The following SEMA7A variants were observed in gnomAD, a reference collection of about 807,000 sequenced individuals.
The protein encoded by SEMA7A is semaphorin-7A.
In SEMA7A, 21 loss-of-function variants were observed where a neutral mutation model predicts 67.5. That is an observed-to-expected ratio of 0.31 (90% CI 0.22 to 0.45). SEMA7A has a LOEUF of 0.45. Among genes scored for constraint, SEMA7A ranks in the 20% least tolerant of loss-of-function variants. The pLI, the probability that SEMA7A is intolerant of heterozygous loss-of-function variation, is 1.00. For missense variants in SEMA7A, 774 were observed against 908.6 expected, an observed-to-expected ratio of 0.85 and a Z score of 1.90; for synonymous variants, 364 against 368.5, an observed-to-expected ratio of 0.99 and a Z score of 0.14.
In SEMA7A at chr15:74,433,898, T is replaced by G; in HGVS notation, c.21A>C (p.Gly7=). 1 of 1,260,338 alleles carries G rather than the reference T, an allele frequency of 7.9e-7. No homozygotes were observed. The highest frequency in any genetic ancestry group is 9.9e-7 in the Non-Finnish European group (1 of 1,007,250). The allele number at this position is 1,260,338 out of a possible 1,614,324, so 78.1% of individuals were successfully genotyped here. A position where few individuals can be genotyped will look rare whatever the true frequency, so the allele number is the denominator to read the frequency against. MTPPPP[G]RAAPSAPRAR... is the part of the protein sequence containing the mutation. The stretch of plus-strand genomic sequence containing the variant: ...CGCGCGGTGCGCTGGGGGCGGCACG[T>G]CCGGGCGGAGGAGGCGTCATCCCGT... The change falls in exon 1 of 14, where the codon GGA becomes GGC. Residue 7 remains glycine, a synonymous_variant. Coordinates refer to ENST00000261918, the MANE Select transcript of SEMA7A (RefSeq NM_003612.5).
rs200924335 is a variant in SEMA7A, at chr15:74,414,864, T to C, written c.1069A>G (p.Ser357Gly). Reference sequence around the variant, plus strand: ...TTGCCAGGCCGCGGGTTGGGAAGGCTTGAGTGGTAGCCCTTGAGTGAGGAG... The same window carrying C: ...TTGCCAGGCCGCGGGTTGGGAAGGCCTGAGTGGTAGCCCTTGAGTGAGGAG... The part of the protein sequence containing the change: ...RTSSLKGYHS[S>G]LPNPRPGKCL... The change falls in exon 9 of 14, where the codon AGC (serine) becomes GGC (glycine). Residue 357 changes from serine to glycine, a missense_variant. Coordinates refer to ENST00000261918, the MANE Select transcript of SEMA7A (RefSeq NM_003612.5). The surrounding 1 kb of genome is among the most constrained non-coding windows in gnomAD (Gnocchi z 4.1). The C allele has an allele frequency of 4.3e-5, 69 of 1,614,170 alleles. No homozygotes were observed. In the African/African-American group the frequency reaches 8.1e-4, roughly 19 times the overall value.
chr15:74,425,529 C>T lies in SEMA7A; in HGVS notation c.179-6577G>A, dbSNP rs8042206. On this transcript the variant is annotated intron_variant, in intron 1 of 13. Transcript: ENST00000261918. ...GACAGATGAGGAGACCAAAGCCTAC[C>T]GAGGGTGAGGCCCAGTTAGAGGCTA... Among the ~76,000 whole-genome samples, 24 of 152,026 alleles carry T rather than the reference C, an allele frequency of 1.6e-4. No homozygotes were observed. In the South Asian group the frequency reaches 2.5e-3, roughly 16 times the overall value.
Position 74,423,040 on chromosome 15 carries a change from C to G in SEMA7A, c.179-4088G>C, listed in dbSNP as rs957931924. On this transcript the variant is annotated intron_variant, in intron 1 of 13. Transcript: ENST00000261918. The surrounding 1 kb of genome is among the most constrained non-coding windows in gnomAD (Gnocchi z 4.1). ...GGGCCTTGAATGTAACCTCAAGGAGCCTTTTGAAAGTGGGCAGAGAGTCAG... is the reference window on the plus strand; with the variant it reads ...GGGCCTTGAATGTAACCTCAAGGAGGCTTTTGAAAGTGGGCAGAGAGTCAG... 2.6e-5 allele frequency among the ~76,000 whole-genome samples: 4 copies of G among 152,316 alleles called. No individual in the cohort carries two copies. The highest frequency in any genetic ancestry group is 2.0e-4 in the Admixed American group (3 of 15,300).
Position 74,411,718 on chromosome 15 carries a change from G to C in SEMA7A, c.1423-8C>G. ...GCTCACATACAGCTTCCTCTGGAAGGACAGCAGGATTGGGTCAGGCCCGGG... is the reference window on the plus strand; with the variant it reads ...GCTCACATACAGCTTCCTCTGGAAGCACAGCAGGATTGGGTCAGGCCCGGG... On this transcript the variant is annotated splice_polypyrimidine_tract_variant and splice_region_variant and intron_variant, in intron 11 of 13. Coordinates refer to ENST00000261918, the MANE Select transcript of SEMA7A (RefSeq NM_003612.5). The surrounding 1 kb of genome is among the most constrained non-coding windows in gnomAD (Gnocchi z 4.4). The C allele has an allele frequency of 6.2e-7, 1 of 1,612,532 alleles. No homozygotes were observed. Among genetic ancestry groups the C allele is most frequent in the Non-Finnish European group, 8.5e-7 (1 of 1,179,956 alleles).
At chr15:74,413,117 G>A (rs568713260) in intron 10 of SEMA7A, among the ~76,000 whole-genome samples, 5 of 141,900 alleles carry the variant, frequency 3.5e-5, no homozygotes, top group South Asian at 4.5e-4. Flanking sequence ...CTACACATCC[G>A]TGATCCTCAT....
Position 74,411,169 on chromosome 15 carries a change from C to T in SEMA7A, c.1639+126G>A. ...CACCAAGAGGGCTCCCTCTGCAGGA[C>T]TGTATCCTGCCCCATGTACCTGGGG... On this transcript the variant is annotated intron_variant, in intron 13 of 13. Coordinates refer to ENST00000261918, the MANE Select transcript of SEMA7A (RefSeq NM_003612.5). The surrounding 1 kb of genome is among the most constrained non-coding windows in gnomAD (Gnocchi z 4.4). 1 of 1,311,492 alleles carries T rather than the reference C, an allele frequency of 7.6e-7. No individual in the cohort carries two copies. 81.2% of individuals were successfully genotyped at this position (1,311,492 alleles called of 1,614,324 possible). A position where few individuals can be genotyped will look rare whatever the true frequency, so the allele number is the denominator to read the frequency against.
rs28362925 is a variant in SEMA7A, at chr15:74,411,092, G to A, written c.1640-107C>T. 1,076 of 1,488,916 alleles carry A rather than the reference G, an allele frequency of 7.2e-4. 4 individuals are homozygous for A. Among genetic ancestry groups the A allele is most frequent in the South Asian group, 6.9e-3 (520 of 75,622 alleles). 92.2% of individuals were successfully genotyped at this position (1,488,916 alleles called of 1,614,324 possible). The stretch of plus-strand genomic sequence containing the variant: ...CCCAGGACAAGGCTTCTGAATGAAC[G>A]TGGGGAACCCAGCCCTCAGCGTCCT... On this transcript the variant is annotated intron_variant, in intron 13 of 13. Coordinates refer to ENST00000261918, the MANE Select transcript of SEMA7A (RefSeq NM_003612.5). The surrounding 1 kb of genome is among the most constrained non-coding windows in gnomAD (Gnocchi z 4.4).
In SEMA7A at chr15:74,410,269, C is replaced by T. The variant is rs563952048; in HGVS notation, c.*355G>A. The T allele has an allele frequency of 1.5e-4, 37 of 240,014 alleles. No homozygotes were observed. The South Asian group carries it at 4.3e-3, about 28-fold the overall frequency. The allele number at this position is 240,014 out of a possible 1,614,324, so 14.9% of individuals were successfully genotyped here. On this transcript the variant is annotated 3_prime_UTR_variant, in exon 14 of 14. Coordinates refer to ENST00000261918, the MANE Select transcript of SEMA7A (RefSeq NM_003612.5). The surrounding 1 kb of genome is among the most constrained non-coding windows in gnomAD (Gnocchi z 7.5). The stretch of plus-strand genomic sequence containing the variant: ...CCCCAGGGTCGAGATGGAGTCCCAG[C>T]TCTCCTATCCAAACCCACTCCCCGA...
intron 1 of SEMA7A, among the ~76,000 whole-genome samples, chr15:74,433,025 ACCCAACGGGCACTGCCC>A (rs2061103182): frequency 6.6e-6 from 1 of 151,848 alleles, no homozygotes; most frequent in African/African-American, 2.4e-5. Flanking sequence ...GCCGTGCCCC[ACCCAACGGGCACTGCCC>A]CCCAACGCTG....
chr15:74,412,540 A>C (rs981521891), intron 10 of SEMA7A, among the ~76,000 whole-genome samples: 2 of 152,108 alleles, frequency 1.3e-5, no homozygotes, highest in African/African-American at 2.4e-5. Context: ...CTTAGGGAAT[A>C]TATTTACTTT....
Position 74,433,908 on chromosome 15 carries a change from G to A in SEMA7A, c.11C>T (p.Pro4Leu). The change falls in exon 1 of 14, where the codon CCT (proline) becomes CTT (leucine). Residue 4 changes from proline (P) to leucine (L), a missense_variant. By Grantham distance (98) the Pro-to-Leu change is moderately conservative (BLOSUM62 -3). This residue lies in a region of SEMA7A where 347 missense variants were observed against 353.2 expected (regional missense o/e 0.98). Coordinates refer to ENST00000261918, the MANE Select transcript of SEMA7A (RefSeq NM_003612.5). Reference sequence around the variant, plus strand: ...GCTGGGGGCGGCACGTCCGGGCGGAGGAGGCGTCATCCCGTGGCCCCGGGA... The same window carrying A: ...GCTGGGGGCGGCACGTCCGGGCGGAAGAGGCGTCATCCCGTGGCCCCGGGA... MTP[P>L]PPGRAAPSAP... The A allele has an allele frequency of 8.0e-7, 1 of 1,254,316 alleles. No homozygotes were observed. Among genetic ancestry groups the A allele is most frequent in the Non-Finnish European group, 1.0e-6 (1 of 1,003,244 alleles). 77.7% of individuals were successfully genotyped at this position (1,254,316 alleles called of 1,614,324 possible). A position where few individuals can be genotyped will look rare whatever the true frequency, so the allele number is the denominator to read the frequency against.
At position 74,416,636 on chromosome 15, in the gene SEMA7A, T is replaced by C; in HGVS notation, c.740A>G (p.Asp247Gly). ...DDKIYYFFRE[D>G]NPDKNPEAPL... ...AGCCTCAGGATTCTTGTCAGGATTG[T>C]CCTCTCGGAAGAAGTAGTAGATCTT... Residue 247 changes from aspartate (D) to glycine (G), a missense_variant, in exon 7 of 14, where the codon GAC becomes GGC. Asp to Gly is a moderately conservative substitution (Grantham distance 94). Coordinates refer to ENST00000261918, the MANE Select transcript of SEMA7A (RefSeq NM_003612.5). 1 of 1,614,048 alleles carries C rather than the reference T, an allele frequency of 6.2e-7. No homozygotes were observed. Among genetic ancestry groups the C allele is most frequent in the Non-Finnish European group, 8.5e-7 (1 of 1,179,966 alleles).
At position 74,414,916 on chromosome 15, in the gene SEMA7A, G is replaced by A. The variant is rs142095284; in HGVS notation, c.1017C>T (p.Leu339=). 497 of 1,614,048 alleles carry A rather than the reference G, an allele frequency of 3.1e-4. No individual in the cohort carries two copies. The highest frequency in any genetic ancestry group is 3.9e-4 in the Non-Finnish European group (462 of 1,180,012). ...WNYSAVCVYS[L]GDIDKVFRTS... ...TACGGAAGACCTTGTCAATGTCACC[G>A]AGGGAATACACACAGACGGCTGAGT... The change falls in exon 9 of 14, where the codon CTC becomes CTT. Residue 339 remains leucine (L), a synonymous_variant. Coordinates refer to ENST00000261918, the MANE Select transcript of SEMA7A (RefSeq NM_003612.5). The surrounding 1 kb of genome is among the most constrained non-coding windows in gnomAD (Gnocchi z 4.1).
chr15:74,410,525 G>A lies in SEMA7A; in HGVS notation c.*99C>T, dbSNP rs897994569. The A allele has an allele frequency of 1.4e-6, 2 of 1,469,492 alleles. No homozygotes were observed. Among genetic ancestry groups the A allele is most frequent in the African/African-American group, 1.4e-5 (1 of 70,846 alleles). 91.0% of individuals were successfully genotyped at this position (1,469,492 alleles called of 1,614,324 possible). A position where few individuals can be genotyped will look rare whatever the true frequency, so the allele number is the denominator to read the frequency against. ...TGGGTTATTCTGTCCCCTGGAAGAA[G>A]TGGCAGGCAAGGAGCTCCCGGGCCA... On this transcript the variant is annotated 3_prime_UTR_variant, in exon 14 of 14. Coordinates refer to ENST00000261918, the MANE Select transcript of SEMA7A (RefSeq NM_003612.5). This position sits in a 1 kb window ranked among gnomAD's most constrained non-coding sequence, Gnocchi z 7.5.
intron 3 of SEMA7A, 57 bp downstream of exon 3, chr15:74,418,211 G>T: frequency 6.5e-7 from 1 of 1,546,842 alleles, no homozygotes; most frequent in Non-Finnish European, 8.9e-7. Context: ...GACCCTCAGG[G>T]TCTCCTCTCC....
chr15:74,413,328 G>C (rs1373844545), intron 10 of SEMA7A, among the ~76,000 whole-genome samples: 1 of 152,196 alleles, frequency 6.6e-6, no homozygotes, highest in Non-Finnish European at 1.5e-5. Flanking sequence ...GACTTAGAAA[G>C]CTCTATTTTT....
chr15:74,415,423 G>C (rs117342694), intron 8 of SEMA7A, among the ~76,000 whole-genome samples: 2,350 of 152,272 alleles, frequency 0.015, 26 homozygotes, highest in South Asian at 0.043. Context: ...TGATTAAGAA[G>C]TGTGAATTAT....
chr15:74,417,576 C>A lies in SEMA7A; in HGVS notation c.550+15G>T. 1 of 1,610,376 alleles carries A rather than the reference C, an allele frequency of 6.2e-7. No homozygotes were observed. The highest frequency in any genetic ancestry group is 1.1e-5 in the South Asian group (1 of 90,758). Reference sequence around the variant, plus strand: ...GAAGCATCCCCCTGGGGCGCCTGCTCCAGCACTGCCCTACCTTCAAACAGA... The same window carrying A: ...GAAGCATCCCCCTGGGGCGCCTGCTACAGCACTGCCCTACCTTCAAACAGA... On this transcript the variant is annotated intron_variant, in intron 5 of 13. Transcript: ENST00000261918.
Position 74,414,548 on chromosome 15 carries a change from T to G in SEMA7A, c.1293A>C (p.Thr431=). 1 of 1,614,158 alleles carries G rather than the reference T, an allele frequency of 6.2e-7. No homozygotes were observed. Among genetic ancestry groups the G allele is most frequent in the Non-Finnish European group, 8.5e-7 (1 of 1,179,982 alleles). ...GETFHVLYLT[T]DRGTIHKVVE... ...GAGGGTCCCGGGGTAGCCTCTCACC[T>G]GTAGTTAGGTAAAGCACATGAAAGG... The change falls in exon 10 of 14, where the codon ACA becomes ACC. Residue 431 remains threonine (T), a splice_region_variant and synonymous_variant. Coordinates refer to ENST00000261918, the MANE Select transcript of SEMA7A (RefSeq NM_003612.5). The surrounding 1 kb of genome is among the most constrained non-coding windows in gnomAD (Gnocchi z 4.1).
Sources: gnomAD v4.1 joint callset for allele counts (sites outside exome capture counted in the v4.1 genomes callset) on GRCh38, gnomAD v4.1.1 for gene constraint, gnomAD v4.1.1 regional missense constraint, Gnocchi (gnomAD v3.1) non-coding constraint, MANE v1.5 for transcripts, NCBI Gene and HGNC (gene_info 2026-07-23, HGNC 2026-07-21) for gene names.